Variants in VWA5A observed in about 807,000 individuals in gnomAD.
VWA5A encodes the protein von Willebrand factor A domain containing 5A, also known as von Willebrand factor A domain-containing protein 5A.
In VWA5A, 77 loss-of-function variants were observed where a neutral mutation model predicts 84.6. The observed-to-expected ratio is 0.91, with a 90% CI of 0.76 to 1.10. The LOEUF (loss-of-function observed/expected upper bound fraction) is 1.10, where lower values mean the gene tolerates loss of function less well. Ranked by LOEUF, VWA5A falls within the 50% of genes least tolerant of loss-of-function variation. The probability of loss-of-function intolerance (pLI) is 0.00; values close to 1 mark genes in which losing one functional copy is unlikely to be tolerated. For missense variants in VWA5A, 973 were observed against 963.0 expected, an observed-to-expected ratio of 1.01 and a Z score of -0.14; for synonymous variants, 334 against 350.1, an observed-to-expected ratio of 0.95 and a Z score of 0.51.
chr11:124,131,791 T>C (rs1361182147), intron 11 of VWA5A, among the ~76,000 whole-genome samples: 1 of 151,788 alleles, frequency 6.6e-6, no homozygotes, highest in African/African-American at 2.4e-5. Context: ...TTTTCTCTTT[T>C]TCTTATTTTT....
At position 124,117,903 on chromosome 11, in the gene VWA5A, A is replaced by G. The variant is rs373636596; in HGVS notation, c.246+28A>G. On this transcript the variant is annotated intron_variant, in intron 4 of 18. Transcript: ENST00000456829. ...AGTAGAGATTACCTCCTCCCTTCTT[A>G]TTACATTACCTCCTCCCTTCTTATT... 184 of 1,610,380 alleles carry G rather than the reference A, an allele frequency of 1.1e-4. 1 individual carries two copies. The highest frequency in any genetic ancestry group is 1.5e-4 in the Non-Finnish European group (172 of 1,176,924).
chr11:124,136,482 C>A, intron 13 of VWA5A, 92 bp from the exon 14 acceptor site: 2 of 1,438,854 alleles, frequency 1.4e-6, no homozygotes, highest in Non-Finnish European at 1.9e-6. Flanking sequence ...TATTTTCATA[C>A]ATTGTTTTGG....
chr11:124,129,335 G>C (rs538911778), intron 11 of VWA5A, among the ~76,000 whole-genome samples: 143 of 152,296 alleles, frequency 9.4e-4, no homozygotes, highest in Non-Finnish European at 1.6e-3. Context: ...AAGCTGACTT[G>C]ATCATGGTGG....
intron 8 of VWA5A, 29 bp from the exon 9 acceptor site, chr11:124,123,335 ACT>A: frequency 6.2e-7 from 1 of 1,601,990 alleles, no homozygotes; most frequent in Non-Finnish European, 8.5e-7. Flanking sequence ...AGCCTCTCTC[ACT>A]CTGTCTCTTC....
rs1483608429 is a variant in VWA5A at position 124,123,244 on chromosome 11, G to A, written c.930+115G>A. ...GAGCAGCACGACCACCCTGAGGCTA[G>A]CCTTGGAATGTAAGAAGGCACAAGG... On this transcript the variant is annotated intron_variant, in intron 8 of 18. Coordinates refer to ENST00000456829, the MANE Select transcript of VWA5A (RefSeq NM_001130142.2). The A allele has an allele frequency of 2.0e-6, 3 of 1,520,110 alleles. No homozygotes were observed. In the East Asian group the frequency reaches 6.8e-5, roughly 34 times the overall value. 94.2% of individuals were successfully genotyped at this position (1,520,110 alleles called of 1,614,324 possible).
rs1005040659 is a variant in VWA5A at position 124,141,800 on chromosome 11, T to C, written c.2023+59T>C. On this transcript the variant is annotated intron_variant, in intron 16 of 18. Transcript: ENST00000456829. The stretch of plus-strand genomic sequence containing the variant: ...TGTTTTTCTGTCACATATACAGGAC[T>C]AGGCAAGCTAAAAGCTTGTAGTTAC... The C allele has an allele frequency of 8.9e-6, 14 of 1,572,672 alleles. No homozygotes were observed. The African/African-American group carries it at 1.9e-4, about 21-fold the overall frequency.
At chr11:124,129,315 C>G (rs1457301160) in intron 11 of VWA5A, among the ~76,000 whole-genome samples, 1 of 152,126 alleles carries the variant, frequency 6.6e-6, no homozygotes, top group African/African-American at 2.4e-5. Flanking sequence ...AGCCTTGCCT[C>G]CCAGGGATGA....
chr11:124,125,530 G>A (rs1442247314), intron 11 of VWA5A, among the ~76,000 whole-genome samples: 2 of 152,058 alleles, frequency 1.3e-5, no homozygotes, highest in African/African-American at 2.4e-5. Flanking sequence ...TGATCTGCCC[G>A]CCTTGGCCTC....
chr11:124,115,590 T>G (rs1167352032), intron 1 of VWA5A, 108 bp downstream of exon 1: 1 of 152,210 alleles, frequency 6.6e-6, no homozygotes, highest in Non-Finnish European at 1.5e-5. Flanking sequence ...TTGTAGGGGC[T>G]CCTTGAATTG....
intron 11 of VWA5A, among the ~76,000 whole-genome samples, chr11:124,132,960 A>G (rs944049214): frequency 1.3e-5 from 2 of 152,130 alleles, no homozygotes; most frequent in African/African-American, 2.4e-5. Context: ...TCCACTTAAT[A>G]TTTTCCAATT....
In VWA5A at chr11:124,123,429, G is replaced by A. The variant is rs1864965292; in HGVS notation, c.994G>A (p.Gly332Ser). Residue 332 changes from glycine to serine, a missense_variant, in exon 9 of 19, where the codon GGC becomes AGC. Physicochemically the swap from Gly to Ser is moderately conservative, Grantham distance 56 (BLOSUM62 0). Transcript: ENST00000456829. ...CTGTTATTTCAACATCTATGGATTT[G>A]GCTCTTCCTATGAGGCATGCTTTCC... ...IGCYFNIYGF[G>S]SSYEACFPES... 1 of 1,613,886 alleles carries A rather than the reference G, an allele frequency of 6.2e-7. No individual in the cohort carries two copies. Among genetic ancestry groups the A allele is most frequent in the South Asian group, 1.1e-5 (1 of 91,038 alleles).
chr11:124,124,394 T>C, intron 11 of VWA5A, 78 bp downstream of exon 11: 1 of 1,531,930 alleles, frequency 6.5e-7, no homozygotes, highest in Non-Finnish European at 8.7e-7. Context: ...GATGCCGGTG[T>C]TGACCTTCCT....
At chr11:124,140,718 C>T (rs1187097868) in intron 15 of VWA5A, among the ~76,000 whole-genome samples, 1 of 152,096 alleles carries the variant, frequency 6.6e-6, no homozygotes, top group Non-Finnish European at 1.5e-5. Context: ...ATCCTTCTGC[C>T]TGGGACTCTA....
intron 11 of VWA5A, chr11:124,124,677 C>A (rs1298907378): frequency 3.6e-6 from 2 of 555,330 alleles, no homozygotes; most frequent in Non-Finnish European, 4.7e-6. Flanking sequence ...ACTGTGTGAT[C>A]GCCACATAGG....
intron 11 of VWA5A, among the ~76,000 whole-genome samples, chr11:124,130,079 C>T (rs906792330): frequency 6.6e-6 from 1 of 152,018 alleles, no homozygotes; most frequent in Non-Finnish European, 1.5e-5. Context: ...GTTAGGGTGT[C>T]GATTTTAGAT....
chr11:124,136,764 C>G (rs987119023), intron 14 of VWA5A, 90 bp downstream of exon 14: 1 of 765,274 alleles, frequency 1.3e-6, no homozygotes, highest in African/African-American at 2.0e-5. Context: ...CTCCCTCCCT[C>G]CCTCCCTCCC....
At chr11:124,124,590 A>AT in intron 11 of VWA5A, 1 of 1,144,964 alleles carries the variant, frequency 8.7e-7, no homozygotes, top group Non-Finnish European at 1.1e-6. Context: ...TACTATAAAC[A>AT]TTTTTAGAGA....
At chr11:124,120,052 G>A (rs574959180) in intron 7 of VWA5A, among the ~76,000 whole-genome samples, 1 of 152,084 alleles carries the variant, frequency 6.6e-6, no homozygotes, top group Non-Finnish European at 1.5e-5. Flanking sequence ...CATTTTAACT[G>A]TTTTTAAGTG....
chr11:124,145,237 C>T lies in VWA5A; in HGVS notation c.2155C>T (p.Leu719Phe). 6.2e-7 allele frequency: 1 copy of T among 1,612,390 alleles called. No homozygotes were observed. Among genetic ancestry groups the T allele is most frequent in the Non-Finnish European group, 8.5e-7 (1 of 1,179,104 alleles). The change falls in exon 18 of 19, where the codon CTT becomes TTT. Residue 719 changes from leucine to phenylalanine, a missense_variant and splice_region_variant. Physicochemically the swap from Leu to Phe is conservative, Grantham distance 22. Coordinates refer to ENST00000456829, the MANE Select transcript of VWA5A (RefSeq NM_001130142.2). Reference sequence around the variant, plus strand: ...CTGGAGCTCTCTATCTACTGTGCAGCTTGTGGATTCCTCAGGCTGGGCCAC... The same window carrying T: ...CTGGAGCTCTCTATCTACTGTGCAGTTTGTGGATTCCTCAGGCTGGGCCAC... ...EEIMAAQPAELVDSSGWATIL... is the reference protein window; with the variant it reads ...EEIMAAQPAEFVDSSGWATIL...
Sources: allele counts gnomAD v4.1 joint callset (sites outside exome capture counted in the v4.1 genomes callset), GRCh38; gene constraint gnomAD v4.1.1; transcripts MANE v1.5; gene names NCBI Gene and HGNC (gene_info 2026-07-23, HGNC 2026-07-21).